Variants in DCC observed in about 807,000 individuals in gnomAD.
DCC encodes DCC netrin 1 receptor.
Under a neutral mutation model 172.5 loss-of-function variants are expected in DCC, and 58 were observed. The ratio of observed to expected loss-of-function variants is 0.34; its 90% CI spans 0.27 to 0.42. The LOEUF (loss-of-function observed/expected upper bound fraction) is 0.42. Among genes scored for constraint, DCC ranks in the 10% least tolerant of loss-of-function variants. The pLI, the probability that DCC is intolerant of heterozygous loss-of-function variation, is 1.00. For synonymous variants in DCC, 709 were observed against 644.5 expected (o/e 1.10, Z -1.52); for missense variants, 1,740 against 1,791.0 (o/e 0.97, Z 0.51).
chr18:53,011,363 C>A (rs980150838), intron 5 of DCC, among the ~76,000 whole-genome samples: 9 of 150,694 alleles, frequency 6.0e-5, no homozygotes, highest in Non-Finnish European at 1.3e-4. Context: ...AAAATATAAC[C>A]CCATATTTTT....
chr18:53,155,071 A>G (rs890669538), intron 7 of DCC, among the ~76,000 whole-genome samples: 9 of 152,048 alleles, frequency 5.9e-5, no homozygotes, highest in Non-Finnish European at 1.5e-5. Context: ...CAAAGAATCT[A>G]TGGAGTCAGA....
intron 7 of DCC, among the ~76,000 whole-genome samples, chr18:53,090,592 G>C (rs1010036529): frequency 2.7e-5 from 4 of 150,086 alleles, no homozygotes; most frequent in Admixed American, 6.7e-5. Context: ...CACTCGGCAG[G>C]CTGAGGCAGG....
chr18:52,464,401 G>A (rs1221301330), intron 1 of DCC, among the ~76,000 whole-genome samples: 2 of 151,970 alleles, frequency 1.3e-5, no homozygotes, highest in South Asian at 2.1e-4. Context: ...GTCAGCAGTA[G>A]ATAAATGTTA....
intron 5 of DCC, among the ~76,000 whole-genome samples, chr18:52,945,972 C>T (rs1333484509): frequency 1.3e-5 from 2 of 152,142 alleles, no homozygotes; most frequent in East Asian, 3.8e-4. Flanking sequence ...TTGGCCGGGG[C>T]TAAGGGGCAA....
At chr18:52,959,570 T>C (rs1454648409) in intron 5 of DCC, among the ~76,000 whole-genome samples, 2 of 150,028 alleles carry the variant, frequency 1.3e-5, no homozygotes, top group East Asian at 3.9e-4. Context: ...CTCCCCACTT[T>C]TTGAGTTCCC....
chr18:53,015,645 G>GT (rs1259702800), intron 5 of DCC, among the ~76,000 whole-genome samples: 1 of 152,046 alleles, frequency 6.6e-6, no homozygotes, highest in Non-Finnish European at 1.5e-5. Flanking sequence ...TGTTTACAAT[G>GT]TTTTTTAAAT....
intron 5 of DCC, among the ~76,000 whole-genome samples, chr18:53,025,813 C>CAT (rs1178389687): frequency 6.6e-6 from 1 of 150,770 alleles, no homozygotes; most frequent in African/African-American, 2.4e-5. Flanking sequence ...CACACACACA[C>CAT]ACACACACAC....
intron 13 of DCC, among the ~76,000 whole-genome samples, chr18:53,318,948 G>A (rs1490110666): frequency 6.6e-6 from 1 of 151,976 alleles, no homozygotes; most frequent in South Asian, 2.1e-4. Flanking sequence ...TAATAGTGGG[G>A]GCCAATATTC....
chr18:52,928,843 G>A (rs1041626464), intron 5 of DCC, among the ~76,000 whole-genome samples: 4 of 152,114 alleles, frequency 2.6e-5, no homozygotes, highest in Non-Finnish European at 5.9e-5. Context: ...GGAGGCACAT[G>A]CCCATCTGGA....
intron 2 of DCC, among the ~76,000 whole-genome samples, chr18:52,838,836 C>T (rs2038757374): frequency 1.3e-5 from 2 of 152,034 alleles, no homozygotes; most frequent in South Asian, 4.2e-4. Context: ...AATAGTTTAC[C>T]AACACTTTGG....
chr18:52,873,218 T>TGTC (rs1555676141), intron 2 of DCC, among the ~76,000 whole-genome samples: 2 of 152,154 alleles, frequency 1.3e-5, no homozygotes, highest in African/African-American at 2.4e-5. Flanking sequence ...CCTCCAAGTC[T>TGTC]TTCTTCAACA....
intron 1 of DCC, among the ~76,000 whole-genome samples, chr18:52,393,098 G>A (rs1341625091): frequency 6.6e-6 from 1 of 152,054 alleles, no homozygotes; most frequent in Non-Finnish European, 1.5e-5. Context: ...CTTTCACTGT[G>A]GGATGAGATA....
intron 1 of DCC, among the ~76,000 whole-genome samples, chr18:52,523,039 T>C (rs1157031838): frequency 6.6e-6 from 1 of 152,200 alleles, no homozygotes; most frequent in African/African-American, 2.4e-5. Context: ...GAAACATTTA[T>C]CTTTTTATTT....
At chr18:52,416,044 A>T (rs1185664865) in intron 1 of DCC, among the ~76,000 whole-genome samples, 1 of 151,642 alleles carries the variant, frequency 6.6e-6, no homozygotes, top group Non-Finnish European at 1.5e-5. Flanking sequence ...ACTGCTTTGA[A>T]TGTGTCCCAG....
chr18:53,207,857 A>G, intron 11 of DCC, 40 bp downstream of exon 11: 4 of 1,547,412 alleles, frequency 2.6e-6, no homozygotes, highest in Non-Finnish European at 2.7e-6. Context: ...CATATTTGAC[A>G]TAATATTGAC....
intron 2 of DCC, among the ~76,000 whole-genome samples, chr18:52,882,145 C>A (rs989632729): frequency 1.3e-5 from 2 of 151,920 alleles, no homozygotes; most frequent in African/African-American, 2.4e-5. Context: ...GATTTTATAT[C>A]CTGCAACTTT....
chr18:52,906,274 C>G lies in DCC; in HGVS notation c.643C>G (p.Arg215Gly), dbSNP rs1180126622. Residue 215 changes from arginine (R) to glycine (G), a missense_variant, in exon 3 of 29, where the codon CGA (arginine) becomes GGA (glycine). By Grantham distance (125) the Arg-to-Gly change is moderately radical. This residue lies in a region of DCC where 1,732 missense variants were observed against 1,767.4 expected (regional missense o/e 0.98). Transcript: ENST00000442544. ...GDIGIYRCSA[R>G]NPASSRTGNE... ...CATTGGAATTTACCGATGCTCAGCT[C>G]GAAATCCAGCCAGCTCAAGAACAGG... 3 of 1,613,858 alleles carry G rather than the reference C, an allele frequency of 1.9e-6. No homozygotes were observed. The highest frequency in any genetic ancestry group is 2.5e-6 in the Non-Finnish European group (3 of 1,180,038).
At chr18:52,501,945 T>C (rs1388972696) in intron 1 of DCC, among the ~76,000 whole-genome samples, 1 of 152,132 alleles carries the variant, frequency 6.6e-6, no homozygotes, top group African/African-American at 2.4e-5. Flanking sequence ...GTTAATTCTG[T>C]CTCTCCAGGG....
chr18:52,989,247 G>A (rs548737722), intron 5 of DCC, among the ~76,000 whole-genome samples: 1 of 152,038 alleles, frequency 6.6e-6, no homozygotes, highest in African/African-American at 2.4e-5. Flanking sequence ...CCTTGGCTGG[G>A]TGTGGTGGCT....
Sources: gnomAD v4.1 joint callset for allele counts (sites outside exome capture counted in the v4.1 genomes callset) on GRCh38, gnomAD v4.1.1 for gene constraint, gnomAD v4.1.1 regional missense constraint, MANE v1.5 for transcripts, NCBI Gene and HGNC (gene_info 2026-07-23, HGNC 2026-07-21) for gene names.